The following TDRD12 variants were observed in gnomAD, a reference collection of about 807,000 sequenced individuals.
The protein encoded by TDRD12 is putative ATP-dependent RNA helicase TDRD12.
TDRD12 carries 158 observed loss-of-function variants against 133.5 expected under a neutral mutation model. The ratio of observed to expected loss-of-function variants is 1.18; its 90% confidence interval spans 1.04 to 1.35. TDRD12 has a LOEUF of 1.35. Ranked by LOEUF, TDRD12 falls within the 40% of genes most tolerant of loss-of-function variation. The pLI, the probability that TDRD12 is intolerant of heterozygous loss-of-function variation, is 0.00. For missense variants in TDRD12, 1,443 were observed against 1,321.3 expected (o/e 1.09, Z -1.43); for synonymous variants, 460 against 477.9 (o/e 0.96, Z 0.49).
chr19:32,822,476 G>A (rs1010294629), downstream of TDRD12, among the ~76,000 whole-genome samples: 4 of 152,056 alleles, frequency 2.6e-5, no homozygotes, highest in African/African-American at 7.2e-5. Flanking sequence ...GGCTGGGTGC[G>A]GTGTCTCACG....
chr19:32,749,377 C>T (rs995216203), intron 5 of TDRD12, among the ~76,000 whole-genome samples: 2 of 152,080 alleles, frequency 1.3e-5, no homozygotes, highest in South Asian at 2.1e-4. Flanking sequence ...AAGAACTCAG[C>T]GAAAGAAGGT....
chr19:32,775,997 C>T (rs781079110), intron 10 of TDRD12, among the ~76,000 whole-genome samples: 6 of 152,186 alleles, frequency 3.9e-5, no homozygotes, highest in Non-Finnish European at 7.3e-5. Context: ...TTCTGCCTTG[C>T]GAACTGTGGG....
downstream of TDRD12, among the ~76,000 whole-genome samples, chr19:32,822,048 G>A (rs1020203060): frequency 6.6e-6 from 1 of 152,176 alleles, no homozygotes; most frequent in Non-Finnish European, 1.5e-5. Flanking sequence ...TTGAACCCGG[G>A]AGGCAGAGGT....
At chr19:32,773,352 A>T (rs1697474815) in intron 9 of TDRD12, 104 bp from the exon 10 acceptor site, 2 of 973,710 alleles carry the variant, frequency 2.1e-6, no homozygotes, top group Admixed American at 4.0e-5. Context: ...GATGTCTGGG[A>T]TGGTTGTTCA....
chr19:32,750,617 C>T (rs1042008303), intron 6 of TDRD12, among the ~76,000 whole-genome samples: 1 of 152,114 alleles, frequency 6.6e-6, no homozygotes, highest in Non-Finnish European at 1.5e-5. Context: ...TGAATGTTGA[C>T]AGTTTCCCGG....
intron 22 of TDRD12, among the ~76,000 whole-genome samples, chr19:32,808,244 C>A (rs1011844462): frequency 6.6e-6 from 1 of 152,050 alleles, no homozygotes; most frequent in African/African-American, 2.4e-5. Flanking sequence ...CATACAATTT[C>A]TCTCCCTTTC....
At chr19:32,772,516 G>A (rs536153870) in intron 8 of TDRD12, among the ~76,000 whole-genome samples, 13 of 152,162 alleles carry the variant, frequency 8.5e-5, no homozygotes, top group East Asian at 1.9e-4. Context: ...ATTGTGTTCC[G>A]TTATTAGCTG....
exon 10 of TDRD12, chr19:32,827,374 T>TTTA: frequency 9.5e-6 from 2 of 210,076 alleles, no homozygotes; most frequent in Non-Finnish European, 1.5e-5. Context: ...TTTCTTTTCT[T>TTTA]TTTTTTTTTT....
At chr19:32,757,499 CGTA>C (rs2145552555) in intron 8 of TDRD12, among the ~76,000 whole-genome samples, 1 of 152,206 alleles carries the variant, frequency 6.6e-6, no homozygotes, top group Non-Finnish European at 1.5e-5. Flanking sequence ...GGCAGAAATA[CGTA>C]GTTTTAAATT....
intron 4 of TDRD12, among the ~76,000 whole-genome samples, chr19:32,745,622 T>C (rs1232800986): frequency 6.6e-6 from 1 of 152,180 alleles, no homozygotes; most frequent in Non-Finnish European, 1.5e-5. Context: ...TGTGTATGTG[T>C]GAAAGAGGGA....
chr19:32,758,804 A>G (rs999430449), intron 8 of TDRD12, among the ~76,000 whole-genome samples: 2 of 150,852 alleles, frequency 1.3e-5, no homozygotes, highest in African/African-American at 2.4e-5. Context: ...ATGTGGTTGC[A>G]CATGCCTGTA....
intron 1 of TDRD12, among the ~76,000 whole-genome samples, chr19:32,726,764 T>A (rs74392357): frequency 0.024 from 3,712 of 152,164 alleles, 136 homozygotes; most frequent in African/African-American, 0.085. Flanking sequence ...TGTCTTTTTT[T>A]AAAAAAAGAA....
exon 1 of TDRD12, chr19:32,719,822 A>C: frequency 1.6e-5 from 9 of 560,068 alleles, no homozygotes; most frequent in Non-Finnish European, 1.6e-5. Flanking sequence ...CCAGGCAGGC[A>C]GGGATCCCGC....
chr19:32,815,676 C>A, intron 26 of TDRD12, 56 bp downstream of exon 26: 1 of 1,459,054 alleles, frequency 6.9e-7, no homozygotes, highest in Non-Finnish European at 9.2e-7. Context: ...ATACAACTCA[C>A]AAGTGTTAAG....
intron 11 of TDRD12, among the ~76,000 whole-genome samples, chr19:32,783,686 T>C (rs1970830309): frequency 6.6e-6 from 1 of 152,186 alleles, no homozygotes; most frequent in African/African-American, 2.4e-5. Context: ...TCACATCCCT[T>C]GTAAGTTGTA....
intron 8 of TDRD12, among the ~76,000 whole-genome samples, chr19:32,769,002 C>G (rs776704189): frequency 6.6e-6 from 1 of 152,098 alleles, no homozygotes; most frequent in Non-Finnish European, 1.5e-5. Flanking sequence ...TTCAGCCTCC[C>G]GAAGTGCTGG....
At chr19:32,816,005 A>G (rs1451038065) in intron 26 of TDRD12, among the ~76,000 whole-genome samples, 1 of 133,124 alleles carries the variant, frequency 7.5e-6, no homozygotes. Flanking sequence ...AAAAGAAAAA[A>G]AAAAAAGTAG....
chr19:32,825,668 G>A (rs1229029657), downstream of TDRD12, among the ~76,000 whole-genome samples: 2 of 152,170 alleles, frequency 1.3e-5, no homozygotes, highest in Non-Finnish European at 2.9e-5. This position sits in a 1 kb window ranked among gnomAD's most constrained non-coding sequence, Gnocchi z 4.1. Context: ...GATCACCTGA[G>A]GTCAGGAGTC....
At chr19:32,827,206 T>C in exon 10 of TDRD12, 1 of 1,232,032 alleles carries the variant, frequency 8.1e-7, no homozygotes, top group Non-Finnish European at 1.0e-6. Context: ...ACAGAGGTGG[T>C]TGAAGACAGT....
Sources: gnomAD v4.1 joint callset for allele counts (sites outside exome capture counted in the v4.1 genomes callset) on GRCh38, gnomAD v4.1.1 for gene constraint, Gnocchi (gnomAD v3.1) non-coding constraint, MANE v1.5 for transcripts, NCBI Gene and HGNC (gene_info 2026-07-23, HGNC 2026-07-21) for gene names.